The following GRIN2A variants were observed in gnomAD, a reference collection of about 807,000 sequenced individuals.
GRIN2A encodes the protein glutamate ionotropic receptor NMDA type subunit 2A, also known as glutamate receptor ionotropic, NMDA 2A.
A neutral mutation model predicts 113.4 loss-of-function variants in GRIN2A; 22 were observed. That is an observed-to-expected ratio of 0.19 (90% confidence interval 0.14 to 0.28). The LOEUF (loss-of-function observed/expected upper bound fraction) is 0.28. GRIN2A is among the 10% of genes least tolerant of loss of function. The pLI, the probability that GRIN2A is intolerant of heterozygous loss-of-function variation, is 1.00. For missense variants in GRIN2A, 1,502 were observed against 1,887.0 expected (o/e 0.80, Z 3.78); for synonymous variants, 827 against 738.4 (o/e 1.12, Z -1.94).
In GRIN2A at chr16:9,956,727, G is replaced by T. The variant is rs142185881; in HGVS notation, c.415-18176C>A. Among the ~76,000 whole-genome samples, 487 of 152,276 alleles carry T rather than the reference G, an allele frequency of 3.2e-3. 4 individuals are homozygous for T. The highest frequency in any genetic ancestry group is 0.011 in the African/African-American group (454 of 41,546). ...ACATTTTGTAAGAAAAGCTTATGGT[G>T]CATTAAGAATGCACAATGGGGGAAA... On this transcript the variant is annotated intron_variant, in intron 2 of 12. Coordinates refer to ENST00000330684, the MANE Select transcript of GRIN2A (RefSeq NM_001134407.3).
At chr16:10,023,295 A>G (rs1356757631) in intron 2 of GRIN2A, among the ~76,000 whole-genome samples, 4 of 152,232 alleles carry the variant, frequency 2.6e-5, no homozygotes, top group Non-Finnish European at 4.4e-5. Flanking sequence ...GGCTCTATAA[A>G]CAACAGACAA....
At chr16:10,124,837 G>A (rs1333589125) in intron 2 of GRIN2A, among the ~76,000 whole-genome samples, 3 of 152,136 alleles carry the variant, frequency 2.0e-5, no homozygotes, top group Non-Finnish European at 4.4e-5. Context: ...TGACATGAGG[G>A]CTCCTATGGA....
chr16:10,040,766 C>A (rs143036025), intron 2 of GRIN2A, among the ~76,000 whole-genome samples: 1 of 152,244 alleles, frequency 6.6e-6, no homozygotes, highest in East Asian at 1.9e-4. Context: ...GCAACCCTCA[C>A]GCAGCTGCGC....
intron 4 of GRIN2A, among the ~76,000 whole-genome samples, chr16:9,869,799 G>T (rs1423028860): frequency 1.3e-5 from 2 of 152,198 alleles, no homozygotes; most frequent in Non-Finnish European, 2.9e-5. Context: ...TATATACAGG[G>T]ATCTTAGAAG....
rs1227550819 is a variant in GRIN2A at position 10,047,403 on chromosome 16, C to T, written c.415-108852G>A. 3.9e-5 allele frequency among the ~76,000 whole-genome samples: 6 copies of T among 152,344 alleles called. No individual in the cohort carries two copies. In the South Asian group the frequency reaches 1.0e-3, roughly 26 times the overall value. On this transcript the variant is annotated intron_variant, in intron 2 of 12. Coordinates refer to ENST00000330684, the MANE Select transcript of GRIN2A (RefSeq NM_001134407.3). ...AAAATAAGGACTGCAAAACACCTAA[C>T]AAAGTGCCTGGCAAACAATTAGTAC...
chr16:10,094,661 G>T (rs1408327123), intron 2 of GRIN2A, among the ~76,000 whole-genome samples: 4 of 151,906 alleles, frequency 2.6e-5, no homozygotes, highest in Admixed American at 2.6e-4. Context: ...CGTTGGCCAG[G>T]CTGGTCTCAA....
Position 9,830,083 on chromosome 16 carries a change from G to A in GRIN2A, c.1778-431C>T, listed in dbSNP as rs561288871. Among the ~76,000 whole-genome samples the A allele has an allele frequency of 6.6e-5, 10 of 152,260 alleles. No individual in the cohort carries two copies. In the East Asian group the frequency reaches 7.7e-4, roughly 12 times the overall value. ...TCGTATAAGAACCATGCAATTCAGC[G>A]GGACTGATGTTTGGTATTCTAATCC... On this transcript the variant is annotated intron_variant, in intron 8 of 12. Transcript: ENST00000330684.
intron 11 of GRIN2A, among the ~76,000 whole-genome samples, chr16:9,795,162 G>A (rs1259145383): frequency 6.6e-6 from 1 of 152,114 alleles, no homozygotes; most frequent in African/African-American, 2.4e-5. Flanking sequence ...AATGGCTTAA[G>A]GCATTCTAAG....
At chr16:9,948,362 G>A (rs1448329629) in intron 2 of GRIN2A, among the ~76,000 whole-genome samples, 7 of 152,188 alleles carry the variant, frequency 4.6e-5, no homozygotes, top group African/African-American at 1.4e-4. Context: ...TGGGGGCTGG[G>A]GCATTGCAAG....
At chr16:10,044,007 G>GTGTGTATATATATATATATA (rs1555469968) in intron 2 of GRIN2A, among the ~76,000 whole-genome samples, 3 of 116,918 alleles carry the variant, frequency 2.6e-5, no homozygotes, top group African/African-American at 1.0e-4. Flanking sequence ...GTGTGTGTGT[G>GTGTGTATATATATATATATA]TATATATATA....
chr16:9,856,486 A>T (rs973756237), intron 4 of GRIN2A, among the ~76,000 whole-genome samples: 1 of 151,900 alleles, frequency 6.6e-6, no homozygotes, highest in Non-Finnish European at 1.5e-5. Context: ...TTTGCCGGGC[A>T]TGGTGGTAGG....
intron 4 of GRIN2A, among the ~76,000 whole-genome samples, chr16:9,881,508 G>C (rs1026572158): frequency 2.6e-5 from 4 of 152,212 alleles, no homozygotes; most frequent in African/African-American, 7.2e-5. Flanking sequence ...TGATTCCATA[G>C]ACTTGAGGCA....
chr16:9,973,719 C>T (rs1267448694), intron 2 of GRIN2A, among the ~76,000 whole-genome samples: 1 of 151,984 alleles, frequency 6.6e-6, no homozygotes, highest in Non-Finnish European at 1.5e-5. Context: ...TCAAATTTTT[C>T]ACAGACTTAA....
chr16:10,119,556 T>C (rs922662836), intron 2 of GRIN2A, among the ~76,000 whole-genome samples: 1 of 152,198 alleles, frequency 6.6e-6, no homozygotes, highest in Admixed American at 6.5e-5. Context: ...CCCGTGGTTC[T>C]CAACAGGGAA....
At chr16:9,873,433 G>T (rs80240919) in intron 4 of GRIN2A, among the ~76,000 whole-genome samples, 1 of 152,158 alleles carries the variant, frequency 6.6e-6, no homozygotes, top group Non-Finnish European at 1.5e-5. Flanking sequence ...GGGTGCAGTG[G>T]CTCATGCCTG....
At chr16:10,123,036 A>G (rs534078617) in intron 2 of GRIN2A, among the ~76,000 whole-genome samples, 1 of 152,222 alleles carries the variant, frequency 6.6e-6, no homozygotes. Context: ...TCCAGTGACT[A>G]TGATCAAATA....
chr16:9,986,417 T>C (rs1355256918), intron 2 of GRIN2A, among the ~76,000 whole-genome samples: 1 of 152,216 alleles, frequency 6.6e-6, no homozygotes, highest in Non-Finnish European at 1.5e-5. Flanking sequence ...GTCGATTTTA[T>C]TTTATAGTGT....
chr16:10,153,806 T>G (rs925188296), intron 2 of GRIN2A, among the ~76,000 whole-genome samples: 1 of 152,216 alleles, frequency 6.6e-6, no homozygotes, highest in Non-Finnish European at 1.5e-5. Context: ...ATCTCCTTAA[T>G]GCAGCATGTC....
At chr16:9,782,494 C>A (rs1901994669) in intron 11 of GRIN2A, among the ~76,000 whole-genome samples, 1 of 152,148 alleles carries the variant, frequency 6.6e-6, no homozygotes, top group African/African-American at 2.4e-5. Flanking sequence ...GGATTTGGGG[C>A]CACTGTTTAT....
Sources: gnomAD v4.1 joint callset for allele counts (sites outside exome capture counted in the v4.1 genomes callset) on GRCh38, gnomAD v4.1.1 for gene constraint, MANE v1.5 for transcripts, NCBI Gene and HGNC (gene_info 2026-07-23, HGNC 2026-07-21) for gene names.